Variants in GPR39 observed in about 807,000 individuals in gnomAD.
The protein encoded by GPR39 is G protein-coupled receptor 39.
GPR39 carries 23 observed loss-of-function variants against 18.4 expected under a neutral mutation model. The ratio of observed to expected loss-of-function variants is 1.25; its 90% CI spans 0.90 to 1.77. The LOEUF (loss-of-function observed/expected upper bound fraction) is 1.77. GPR39 is among the 40% of genes most tolerant of loss of function. GPR39 has a pLI of 0.00. For synonymous variants in GPR39, 280 were observed against 257.9 expected (o/e 1.09, Z -0.82); for missense variants, 647 against 602.4 (o/e 1.07, Z -0.78).
At chr2:132,469,686 C>T (rs962093569) in intron 1 of GPR39, among the ~76,000 whole-genome samples, 34 of 152,294 alleles carry the variant, frequency 2.2e-4, no homozygotes, top group African/African-American at 7.2e-4. Flanking sequence ...CCTTCACTCC[C>T]GCAGGGAGGG....
chr2:132,455,722 G>C (rs12691816), intron 1 of GPR39, among the ~76,000 whole-genome samples: 79,106 of 151,916 alleles, frequency 0.52, 21,952 homozygotes, highest in Non-Finnish European at 0.62. Context: ...TTATTTCTGC[G>C]TTCATTTTGT....
intron 1 of GPR39, among the ~76,000 whole-genome samples, chr2:132,421,455 G>T (rs1680006925): frequency 6.6e-6 from 1 of 152,106 alleles, no homozygotes; most frequent in Admixed American, 6.6e-5. Flanking sequence ...AGATTTTACA[G>T]ACAGTCATGA....
intron 1 of GPR39, among the ~76,000 whole-genome samples, chr2:132,526,502 A>G (rs1319059358): frequency 6.6e-6 from 1 of 152,206 alleles, no homozygotes; most frequent in Non-Finnish European, 1.5e-5. Flanking sequence ...CTTTTACTTA[A>G]TTCAGAAGTA....
intron 1 of GPR39, among the ~76,000 whole-genome samples, chr2:132,584,400 C>G (rs1680685418): frequency 6.6e-6 from 1 of 152,248 alleles, no homozygotes; most frequent in South Asian, 2.1e-4. Context: ...TACCTGAGTG[C>G]TAGCCACCGA....
At chr2:132,497,139 G>A (rs1387100057) in intron 1 of GPR39, among the ~76,000 whole-genome samples, 2 of 152,190 alleles carry the variant, frequency 1.3e-5, no homozygotes, top group East Asian at 3.9e-4. Context: ...TGTGTGGGCA[G>A]GCGTGTGGCT....
chr2:132,420,954 G>A (rs1197628147), intron 1 of GPR39, among the ~76,000 whole-genome samples: 1 of 152,190 alleles, frequency 6.6e-6, no homozygotes, highest in East Asian at 1.9e-4. Context: ...GGAGTGTCTT[G>A]TCTTGCCTCT....
chr2:132,474,676 C>G (rs372136956), intron 1 of GPR39, among the ~76,000 whole-genome samples: 10 of 152,328 alleles, frequency 6.6e-5, no homozygotes, highest in African/African-American at 2.4e-4. Context: ...TTCTATTGAT[C>G]GAGGCAGCCC....
At chr2:132,563,897 C>T (rs2104806289) in intron 1 of GPR39, among the ~76,000 whole-genome samples, 1 of 152,272 alleles carries the variant, frequency 6.6e-6, no homozygotes. Context: ...TGCCTGGGTC[C>T]CCCCACCCCA....
intron 1 of GPR39, among the ~76,000 whole-genome samples, chr2:132,533,823 C>T (rs1348016716): frequency 6.6e-6 from 1 of 152,106 alleles, no homozygotes; most frequent in Non-Finnish European, 1.5e-5. Flanking sequence ...CTTCCTTACA[C>T]CTTATACAAA....
Position 132,417,613 on chromosome 2 carries a change from T to G in GPR39, c.571T>G (p.Cys191Gly), listed in dbSNP as rs765942602. ...CGTGCCCAGCCACCGGGGTCTCACT[T>G]GCAACCGCTCCAGCACCCGCCACCA... ...VNVPSHRGLT[C>G]NRSSTRHHEQ... Residue 191 changes from cysteine (C) to glycine (G), a missense_variant, in exon 1 of 2, where the codon TGC becomes GGC. Around this residue, in one of 3 missense-constraint regions of GPR39, gnomAD observed 581 missense variants for 506.8 expected, o/e 1.15. Coordinates refer to ENST00000329321, the MANE Select transcript of GPR39 (RefSeq NM_001508.3). 5.1e-5 allele frequency: 83 copies of G among 1,613,958 alleles called. No homozygotes were observed. The highest frequency in any genetic ancestry group is 2.0e-4 in the South Asian group (18 of 91,080).
chr2:132,448,108 A>G (rs901592136), intron 1 of GPR39, among the ~76,000 whole-genome samples: 1 of 152,190 alleles, frequency 6.6e-6, no homozygotes, highest in Non-Finnish European at 1.5e-5. Context: ...GAGGCAGAAG[A>G]CTTAAAGAAT....
At chr2:132,643,478 T>C (rs1049119061) in intron 1 of GPR39, among the ~76,000 whole-genome samples, 2 of 152,164 alleles carry the variant, frequency 1.3e-5, no homozygotes, top group Admixed American at 1.3e-4. Context: ...GGAGGCTCAA[T>C]TCTGGATGTG....
chr2:132,445,517 T>G (rs1680519302), intron 1 of GPR39, among the ~76,000 whole-genome samples: 1 of 152,210 alleles, frequency 6.6e-6, no homozygotes, highest in South Asian at 2.1e-4. Flanking sequence ...TTTTAAAATG[T>G]AATAGACTTA....
intron 1 of GPR39, among the ~76,000 whole-genome samples, chr2:132,639,853 C>T (rs1681827632): frequency 6.6e-6 from 1 of 152,110 alleles, no homozygotes; most frequent in Non-Finnish European, 1.5e-5. Flanking sequence ...ATAGACATGC[C>T]ACTTGCTGCA....
intron 1 of GPR39, among the ~76,000 whole-genome samples, chr2:132,450,216 T>G (rs73955693): frequency 0.015 from 2,312 of 152,314 alleles, 72 homozygotes; most frequent in African/African-American, 0.049. Context: ...GATGTCTGCA[T>G]GGAGCTCATA....
intron 1 of GPR39, among the ~76,000 whole-genome samples, chr2:132,542,118 G>A (rs1021575521): frequency 2.6e-5 from 4 of 152,136 alleles, no homozygotes; most frequent in African/African-American, 9.7e-5. Context: ...TGGGGGTTAA[G>A]TTTCAATATA....
chr2:132,490,035 T>C (rs1164438792), intron 1 of GPR39, among the ~76,000 whole-genome samples: 2 of 151,750 alleles, frequency 1.3e-5, no homozygotes, highest in African/African-American at 2.4e-5. Context: ...CCGTGCTTGC[T>C]CCTGTGCTCA....
intron 1 of GPR39, among the ~76,000 whole-genome samples, chr2:132,513,210 C>T (rs928281043): frequency 2.6e-5 from 4 of 152,172 alleles, no homozygotes; most frequent in Non-Finnish European, 5.9e-5. Flanking sequence ...ATGGCCTAGC[C>T]CCAGAAGTAG....
At chr2:132,518,151 A>G (rs547585457) in intron 1 of GPR39, among the ~76,000 whole-genome samples, 29 of 152,346 alleles carry the variant, frequency 1.9e-4, no homozygotes, top group Non-Finnish European at 2.8e-4. Flanking sequence ...ATGACCTAGC[A>G]CATGATACCA....
Sources: gnomAD v4.1 joint callset for allele counts (sites outside exome capture counted in the v4.1 genomes callset) on GRCh38, gnomAD v4.1.1 for gene constraint, gnomAD v4.1.1 regional missense constraint, MANE v1.5 for transcripts, NCBI Gene and HGNC (gene_info 2026-07-23, HGNC 2026-07-21) for gene names.